ADAMTS19: variants seen among roughly 807,000 people sequenced by gnomAD.
ADAMTS19 encodes ADAM metallopeptidase with thrombospondin type 1 motif 19.
ADAMTS19 carries 93 observed loss-of-function variants against 153.3 expected under a neutral mutation model. The ratio of observed to expected loss-of-function variants is 0.61; its 90% CI spans 0.51 to 0.72. The LOEUF is 0.72. Ranked by LOEUF, ADAMTS19 falls within the 30% of genes least tolerant of loss-of-function variation. ADAMTS19 has a pLI of 0.00. For synonymous variants in ADAMTS19, 600 were observed against 556.6 expected, an observed-to-expected ratio of 1.08 and a Z score of -1.10; for missense variants, 1,482 against 1,552.1, an observed-to-expected ratio of 0.95 and a Z score of 0.76.
chr5:129,551,916 G>T lies in ADAMTS19; in HGVS notation c.1372+9G>T, dbSNP rs370783191. ...ACCATGTGATACTGTTGGTAAGTGT[G>T]AAAATTCTCACACTTTTGGAGTTCT... is the stretch of plus-strand genomic sequence containing the variant. On this transcript the variant is annotated intron_variant, in intron 7 of 22. Transcript: ENST00000274487. 7 of 1,556,688 alleles carry T rather than the reference G, an allele frequency of 4.5e-6. No homozygotes were observed. In the South Asian group the frequency reaches 8.7e-5, roughly 19 times the overall value.
chr5:129,502,538 T>C (rs1751138335), intron 2 of ADAMTS19, among the ~76,000 whole-genome samples: 1 of 152,106 alleles, frequency 6.6e-6, no homozygotes, highest in South Asian at 2.1e-4. Context: ...ATCATTGGAG[T>C]TTTATGATTC....
intron 21 of ADAMTS19, among the ~76,000 whole-genome samples, chr5:129,726,509 T>G (rs1757216460): frequency 6.6e-6 from 1 of 151,988 alleles, no homozygotes; most frequent in South Asian, 2.1e-4. Flanking sequence ...TTAGCATTTA[T>G]TAGAAAGAAG....
Position 129,528,605 on chromosome 5 carries a change from A to T in ADAMTS19, c.1256A>T (p.Asp419Val). 6.2e-7 allele frequency: 1 copy of T among 1,609,036 alleles called. No individual in the cohort carries two copies. The highest frequency in any genetic ancestry group is 2.2e-5 in the East Asian group (1 of 44,534). The change falls in exon 6 of 23, where the codon GAT (aspartate) becomes GTT (valine). Residue 419 changes from aspartate (D) to valine (V), a missense_variant. By Grantham distance (152) the Asp-to-Val change is radical. Transcript: ENST00000274487. Reference sequence around the variant, plus strand: ...CATGAAGAATTTGGCAAAAAGAATGATATACATTTAGAGATGTCAACAAAC... The same window carrying T: ...CATGAAGAATTTGGCAAAAAGAATGTTATACATTTAGAGATGTCAACAAAC... ...WQHEEFGKKN[D>V]IHLEMSTNWG...
intron 14 of ADAMTS19, among the ~76,000 whole-genome samples, chr5:129,658,317 G>GAAAGAAAGAAAAAGAAAGAA (rs1173568592): frequency 5.2e-5 from 2 of 38,512 alleles, no homozygotes; most frequent in African/African-American, 1.5e-4. Flanking sequence ...GAAAAAGAAA[G>GAAAGAAAGAAAAAGAAAGAA]AAAGAAAGAA....
At chr5:129,570,152 G>A (rs1392685383) in intron 7 of ADAMTS19, among the ~76,000 whole-genome samples, 1 of 151,818 alleles carries the variant, frequency 6.6e-6, no homozygotes, top group Admixed American at 6.6e-5. Context: ...TTTTTTTGTG[G>A]AATTGTGAGT....
At position 129,583,354 on chromosome 5, in the gene ADAMTS19, A is replaced by G. The variant is rs148793883; in HGVS notation, c.1373-13205A>G. 2.6e-4 allele frequency among the ~76,000 whole-genome samples: 39 copies of G among 151,814 alleles called. 1 individual carries two copies. In the East Asian group the frequency reaches 7.6e-3, roughly 30 times the overall value. On this transcript the variant is annotated intron_variant, in intron 7 of 22. Transcript: ENST00000274487. ...AGCTGCCCTTAACATTTTTTCCTTCATTTCAACCTTGGTGAATCTGACGAT... is the reference window on the plus strand; with the variant it reads ...AGCTGCCCTTAACATTTTTTCCTTCGTTTCAACCTTGGTGAATCTGACGAT...
chr5:129,643,386 A>AG (rs1561622487), intron 11 of ADAMTS19, among the ~76,000 whole-genome samples: 3 of 148,926 alleles, frequency 2.0e-5, no homozygotes, highest in African/African-American at 4.9e-5. Context: ...AAAAAAAAAA[A>AG]GAAAAAAAAA....
At chr5:129,707,294 T>C (rs944620456) in intron 21 of ADAMTS19, among the ~76,000 whole-genome samples, 16 of 152,242 alleles carry the variant, frequency 1.1e-4, no homozygotes, top group Non-Finnish European at 1.5e-4. Flanking sequence ...CCTTTTAACC[T>C]TTGCTTGTTG....
intron 21 of ADAMTS19, among the ~76,000 whole-genome samples, chr5:129,705,431 T>C (rs1304437561): frequency 2.0e-5 from 3 of 152,224 alleles, no homozygotes; most frequent in African/African-American, 7.2e-5. Flanking sequence ...TAAGCTATTT[T>C]CTCATGATTA....
chr5:129,721,418 C>T (rs1757000734), intron 21 of ADAMTS19, among the ~76,000 whole-genome samples: 1 of 152,138 alleles, frequency 6.6e-6, no homozygotes, highest in East Asian at 1.9e-4. Flanking sequence ...TCAGATTACA[C>T]TTGAAAAACT....
At chr5:129,627,150 G>C (rs1752086862) in intron 10 of ADAMTS19, among the ~76,000 whole-genome samples, 2 of 152,014 alleles carry the variant, frequency 1.3e-5, no homozygotes, top group Non-Finnish European at 2.9e-5. Context: ...AGATATTGGG[G>C]ACATGATACT....
At chr5:129,562,442 C>T (rs1380135476) in intron 7 of ADAMTS19, among the ~76,000 whole-genome samples, 1 of 152,130 alleles carries the variant, frequency 6.6e-6, no homozygotes, top group African/African-American at 2.4e-5. Context: ...ATTTTACCTA[C>T]CATTACTTTG....
intron 10 of ADAMTS19, among the ~76,000 whole-genome samples, chr5:129,628,136 A>G (rs1477645633): frequency 6.6e-6 from 1 of 152,030 alleles, no homozygotes; most frequent in African/African-American, 2.4e-5. Flanking sequence ...AAAGAATGAG[A>G]CCGTGTCTTT....
At chr5:129,577,814 T>C (rs968435219) in intron 7 of ADAMTS19, among the ~76,000 whole-genome samples, 4 of 152,066 alleles carry the variant, frequency 2.6e-5, no homozygotes, top group African/African-American at 9.7e-5. Context: ...TTAAGAATTG[T>C]AGAGATGTTT....
At chr5:129,499,136 G>A (rs1352355096) in intron 2 of ADAMTS19, among the ~76,000 whole-genome samples, 2 of 151,992 alleles carry the variant, frequency 1.3e-5, no homozygotes, top group Non-Finnish European at 2.9e-5. Flanking sequence ...TATTTAACAT[G>A]TTATTTCTCT....
chr5:129,733,434 G>T (rs1026547080), intron 21 of ADAMTS19, among the ~76,000 whole-genome samples: 2 of 151,738 alleles, frequency 1.3e-5, no homozygotes, highest in African/African-American at 2.4e-5. Context: ...CTCAGAATCT[G>T]CAAGGAACTC....
intron 15 of ADAMTS19, among the ~76,000 whole-genome samples, chr5:129,662,888 A>ATTTTTTTTTTTTTTT (rs3049499): frequency 1.1e-5 from 1 of 92,888 alleles, no homozygotes; most frequent in Non-Finnish European, 2.0e-5. Flanking sequence ...ATTCTTCTTC[A>ATTTTTTTTTTTTTTT]TTTTTTTTTT....
chr5:129,608,116 G>GTATATATATATATATA (rs1554098182), intron 8 of ADAMTS19, among the ~76,000 whole-genome samples: 611 of 47,862 alleles, frequency 0.013, 42 homozygotes, highest in South Asian at 0.025. Context: ...GTGTGTGTGT[G>GTATATATATATATATA]TATATATATA....
chr5:129,554,982 G>T (rs1049351476), intron 7 of ADAMTS19, among the ~76,000 whole-genome samples: 1 of 151,980 alleles, frequency 6.6e-6, no homozygotes, highest in African/African-American at 2.4e-5. Flanking sequence ...ATGTTTATTC[G>T]TACACATTTT....
Sources: gnomAD v4.1 joint callset for allele counts (sites outside exome capture counted in the v4.1 genomes callset) on GRCh38, gnomAD v4.1.1 for gene constraint, MANE v1.5 for transcripts, NCBI Gene and HGNC (gene_info 2026-07-23, HGNC 2026-07-21) for gene names.